CNIH3: variants seen among roughly 807,000 people sequenced by gnomAD.
CNIH3 encodes the protein cornichon family AMPA receptor auxiliary protein 3.
Under a neutral mutation model 24.1 loss-of-function variants are expected in CNIH3, and 14 were observed. The ratio of observed to expected loss-of-function variants is 0.58; its 90% CI spans 0.38 to 0.91. The LOEUF (loss-of-function observed/expected upper bound fraction) is 0.91, where lower values mean the gene tolerates loss of function less well. Ranked by LOEUF, CNIH3 falls within the 40% of genes least tolerant of loss-of-function variation. The probability of loss-of-function intolerance (pLI) is 0.00; values close to 1 mark genes in which losing one functional copy is unlikely to be tolerated. For synonymous variants in CNIH3, 68 were observed against 73.8 expected (o/e 0.92, Z 0.40); for missense variants, 178 against 196.8 (o/e 0.90, Z 0.57).
chr1:224,630,397 A>G (rs1683759607), intron 1 of CNIH3, among the ~76,000 whole-genome samples: 1 of 152,170 alleles, frequency 6.6e-6, no homozygotes, highest in Non-Finnish European at 1.5e-5. Flanking sequence ...ACTGGGAGAC[A>G]ATTTGGGGGA....
chr1:224,570,736 T>G (rs149248537), intron 4 of CNIH3, among the ~76,000 whole-genome samples: 1 of 152,330 alleles, frequency 6.6e-6, no homozygotes, highest in African/African-American at 2.4e-5. Flanking sequence ...TTGTATAAAC[T>G]ATTTATACAA....
intron 3 of CNIH3, among the ~76,000 whole-genome samples, chr1:224,724,857 G>A (rs374089202): frequency 1.5e-3 from 222 of 152,002 alleles, no homozygotes; most frequent in Admixed American, 2.2e-3. Context: ...TGACTTTCAC[G>A]GTAAGAGCAA....
rs559931633 is a variant in CNIH3, at chr1:224,463,703, G to A, written n.203+28841G>A. Among the ~76,000 whole-genome samples the A allele has an allele frequency of 9.4e-5, 14 of 149,194 alleles. 1 individual carries two copies. In the South Asian group the frequency reaches 2.1e-3, roughly 23 times the overall value. ...ATTATTGGTGTGAGCCACCGTGCCC[G>A]GCCTGATACAAGTCTTTTATCAGAT... On this transcript the variant is annotated intron_variant and non_coding_transcript_variant, in intron 1 of 5. Coordinates refer to the CNIH3 transcript ENST00000471578.
rs950294583 is a variant in CNIH3, at chr1:224,740,504, G to A, written c.*1148G>A. On this transcript the variant is annotated 3_prime_UTR_variant, in exon 6 of 6. Transcript: ENST00000272133. ...TGACTCAGGTTTATGAATGGTGTTT[G>A]TGTAGCAACACATTGTGTGCTATGT... 3.3e-5 allele frequency: 5 copies of A among 152,190 alleles called. No individual in the cohort carries two copies. The highest frequency in any genetic ancestry group is 1.2e-4 in the African/African-American group (5 of 41,432). The allele number at this position is 152,190 out of a possible 1,614,324, so 9.4% of individuals were successfully genotyped here. A position where few individuals can be genotyped will look rare whatever the true frequency, so the allele number is the denominator to read the frequency against.
intron 1 of CNIH3, among the ~76,000 whole-genome samples, chr1:224,438,222 C>CTT (rs774066856): frequency 2.1e-5 from 3 of 143,172 alleles, no homozygotes; most frequent in Admixed American, 7.0e-5. Context: ...CCATGCTGGC[C>CTT]TTTTTTTTTT....
In CNIH3 at chr1:224,668,920, C is replaced by T. The variant is rs190823417; in HGVS notation, c.82-12038C>T. ...TGGCTGAGTTAGGGGGCTGGTGGAG[C>T]GGGGGGATTCTAGCCTAACTGCCCC... On this transcript the variant is annotated intron_variant, in intron 1 of 5. Coordinates refer to ENST00000272133, the MANE Select transcript of CNIH3 (RefSeq NM_152495.2). Among the ~76,000 whole-genome samples the T allele has an allele frequency of 1.5e-3, 217 of 146,274 alleles. 1 individual carries two copies. Among genetic ancestry groups the T allele is most frequent in the African/African-American group, 5.2e-3 (204 of 39,198 alleles).
chr1:224,734,842 T>C (rs1689513565), intron 5 of CNIH3, 136 bp downstream of exon 5: 1 of 872,912 alleles, frequency 1.1e-6, no homozygotes, highest in Admixed American at 2.1e-5. Context: ...TAGTCCCAGC[T>C]GTCTGACTCT....
chr1:224,672,913 C>T (rs1219047071), intron 1 of CNIH3, among the ~76,000 whole-genome samples: 1 of 152,174 alleles, frequency 6.6e-6, no homozygotes, highest in Non-Finnish European at 1.5e-5. Context: ...GGGGCATGTG[C>T]CCACTCATTA....
At chr1:224,679,156 A>G (rs1030865570) in intron 1 of CNIH3, among the ~76,000 whole-genome samples, 3 of 152,140 alleles carry the variant, frequency 2.0e-5, no homozygotes, top group Non-Finnish European at 4.4e-5. Flanking sequence ...CATCTCCACT[A>G]AAAATATAAA....
chr1:224,670,838 T>C (rs2125129904), intron 1 of CNIH3, among the ~76,000 whole-genome samples: 1 of 152,342 alleles, frequency 6.6e-6, no homozygotes, highest in Middle Eastern at 3.4e-3. Context: ...TGGTTAACTT[T>C]GCATGTCAAT....
At chr1:224,445,880 G>A (rs1300274232) in intron 1 of CNIH3, among the ~76,000 whole-genome samples, 5 of 152,164 alleles carry the variant, frequency 3.3e-5, no homozygotes, top group African/African-American at 1.2e-4. Flanking sequence ...TCAACGTTTT[G>A]CCTTTCATGT....
intron 1 of CNIH3, among the ~76,000 whole-genome samples, chr1:224,628,336 C>T (rs903929848): frequency 3.9e-5 from 6 of 152,120 alleles, no homozygotes; most frequent in Admixed American, 1.3e-4. Flanking sequence ...CTTAATGGCA[C>T]TAAGTGCATT....
chr1:224,724,195 A>G (rs1688894479), intron 3 of CNIH3, among the ~76,000 whole-genome samples: 2 of 152,252 alleles, frequency 1.3e-5, no homozygotes, highest in African/African-American at 4.8e-5. Flanking sequence ...CAAAACATTT[A>G]ATATGCCAGC....
intron 1 of CNIH3, among the ~76,000 whole-genome samples, chr1:224,656,901 A>G (rs1685124333): frequency 6.6e-6 from 1 of 152,216 alleles, no homozygotes; most frequent in South Asian, 2.1e-4. Context: ...GAAGGGGCTA[A>G]GAGCCAGCCC....
intron 1 of CNIH3, among the ~76,000 whole-genome samples, chr1:224,629,075 C>T (rs547294294): frequency 5.3e-5 from 8 of 151,610 alleles, no homozygotes; most frequent in South Asian, 2.1e-4. Flanking sequence ...GGCGTGATCT[C>T]GGCTCACTGC....
chr1:224,520,791 G>A (rs573654996), intron 1 of CNIH3, among the ~76,000 whole-genome samples: 10 of 152,206 alleles, frequency 6.6e-5, no homozygotes, highest in Admixed American at 3.3e-4. Context: ...CATGAAGAGA[G>A]GCTCATGTGT....
Position 224,463,770 on chromosome 1 carries a change from CTCATTTT to C in CNIH3, n.203+28910_203+28916del, listed in dbSNP as rs1297177113. Among the ~76,000 whole-genome samples the C allele has an allele frequency of 4.6e-5, 4 of 87,070 alleles. 1 individual carries two copies. The highest frequency in any genetic ancestry group is 2.1e-4 in the African/African-American group (4 of 18,670). 57.1% of individuals were successfully genotyped at this position (87,070 alleles called of 152,430 possible). ...TTTTTCTCCCAGCTTATGAATTGTC[CTCATTTT>C]TTTTTTTTTTTTTTTTTTTTTTTTT... On this transcript the variant is annotated intron_variant and non_coding_transcript_variant, in intron 1 of 5. Coordinates refer to the CNIH3 transcript ENST00000471578.
intron 4 of CNIH3, among the ~76,000 whole-genome samples, chr1:224,733,563 G>A (rs931449801): frequency 2.0e-5 from 3 of 152,194 alleles, no homozygotes; most frequent in Admixed American, 6.5e-5. Context: ...TGAGATTCCG[G>A]ATCTGCGAGT....
intron 1 of CNIH3, among the ~76,000 whole-genome samples, chr1:224,656,015 AC>A: frequency 6.6e-6 from 1 of 152,186 alleles, no homozygotes; most frequent in Non-Finnish European, 1.5e-5. Flanking sequence ...ACATGTTAAG[AC>A]CCGGGAGTGT....
Sources: allele counts gnomAD v4.1 joint callset (sites outside exome capture counted in the v4.1 genomes callset), GRCh38; gene constraint gnomAD v4.1.1; transcripts MANE v1.5; gene names NCBI Gene and HGNC (gene_info 2026-07-23, HGNC 2026-07-21).